TAFA1: variants seen among roughly 807,000 people sequenced by gnomAD.
The protein encoded by TAFA1 is chemokine-like protein TAFA-1.
In TAFA1, 4 loss-of-function variants were observed where a neutral mutation model predicts 18.5. That is an observed-to-expected ratio of 0.22 (90% CI 0.11 to 0.49). TAFA1 has a LOEUF of 0.49. Ranked by LOEUF, TAFA1 falls within the 20% of genes least tolerant of loss-of-function variation. The pLI is 0.98. For synonymous variants in TAFA1, 56 were observed against 55.2 expected (o/e 1.01, Z -0.06); for missense variants, 147 against 169.0 (o/e 0.87, Z 0.72).
chr3:68,144,869 A>G (rs934145154), intron 2 of TAFA1: 47 of 634,622 alleles, frequency 7.4e-5, no homozygotes, highest in Admixed American at 1.0e-4. Context: ...TGTCTTTTAC[A>G]TTTACATTCC....
intron 2 of TAFA1, among the ~76,000 whole-genome samples, chr3:68,352,051 G>A (rs991130111): frequency 3.4e-4 from 52 of 152,026 alleles, no homozygotes; most frequent in Middle Eastern, 3.4e-3. Context: ...ATGTATAATC[G>A]AAATAAGAAT....
Position 68,495,056 on chromosome 3 carries a change from T to C in TAFA1, c.260-43700T>C, listed in dbSNP as rs571857989. Among the ~76,000 whole-genome samples, 9 of 152,264 alleles carry C rather than the reference T, an allele frequency of 5.9e-5. No homozygotes were observed. In the South Asian group the frequency reaches 1.9e-3, roughly 32 times the overall value. On this transcript the variant is annotated intron_variant, in intron 3 of 4. Transcript: ENST00000478136. ...ACAACAGAAGCTCTATTAACTGACC[T>C]CTAACCAATACAACAGGTTAACTGA... is the stretch of plus-strand genomic sequence containing the variant.
intron 3 of TAFA1, among the ~76,000 whole-genome samples, chr3:68,497,023 G>A (rs1226851692): frequency 6.6e-6 from 1 of 151,988 alleles, no homozygotes; most frequent in Admixed American, 6.6e-5. Flanking sequence ...AAAGCCCAGT[G>A]GAAAAAAGAA....
intron 3 of TAFA1, among the ~76,000 whole-genome samples, chr3:68,453,066 C>G (rs1385874026): frequency 6.6e-6 from 1 of 152,134 alleles, no homozygotes; most frequent in African/African-American, 2.4e-5. Context: ...TATAGAATTG[C>G]TTTATTTCAG....
At chr3:68,263,789 A>G (rs970852909) in intron 2 of TAFA1, among the ~76,000 whole-genome samples, 2 of 152,174 alleles carry the variant, frequency 1.3e-5, no homozygotes, top group African/African-American at 2.4e-5. Flanking sequence ...AGGTCTTTTT[A>G]TTACACTATA....
At chr3:68,061,542 G>A (rs2064602492) in intron 2 of TAFA1, among the ~76,000 whole-genome samples, 2 of 152,170 alleles carry the variant, frequency 1.3e-5, no homozygotes, top group Non-Finnish European at 2.9e-5. Context: ...GAGGGTACAG[G>A]CAGGATGAAA....
At chr3:68,059,028 C>G (rs1214863076) in intron 2 of TAFA1, among the ~76,000 whole-genome samples, 1 of 152,060 alleles carries the variant, frequency 6.6e-6, no homozygotes, top group African/African-American at 2.4e-5. Context: ...GTTATTTTTT[C>G]TATCACTTTC....
At chr3:68,462,922 A>C (rs1366497989) in intron 3 of TAFA1, among the ~76,000 whole-genome samples, 1 of 152,202 alleles carries the variant, frequency 6.6e-6, no homozygotes, top group Non-Finnish European at 1.5e-5. Flanking sequence ...TTTACCATTT[A>C]GTGAATTCCA....
chr3:68,449,957 A>G (rs1575877723), intron 3 of TAFA1, among the ~76,000 whole-genome samples: 1 of 152,220 alleles, frequency 6.6e-6, no homozygotes, highest in African/African-American at 2.4e-5. Context: ...GGAGCTGGAC[A>G]TTGTGTATGC....
At chr3:68,119,320 C>T (rs1216429313) in intron 2 of TAFA1, among the ~76,000 whole-genome samples, 1 of 152,096 alleles carries the variant, frequency 6.6e-6, no homozygotes, top group Non-Finnish European at 1.5e-5. Flanking sequence ...AATATTTTCT[C>T]TCATTCCATA....
intron 2 of TAFA1, among the ~76,000 whole-genome samples, chr3:68,183,778 C>A (rs2066235691): frequency 6.6e-6 from 1 of 152,094 alleles, no homozygotes; most frequent in Non-Finnish European, 1.5e-5. Context: ...CTATTTAGAT[C>A]AGAGTCAGTT....
chr3:68,393,052 A>G (rs943357923), intron 2 of TAFA1, among the ~76,000 whole-genome samples: 2 of 152,190 alleles, frequency 1.3e-5, no homozygotes, highest in Non-Finnish European at 2.9e-5. Context: ...CCTCCAAAAA[A>G]TCAATGAGTC....
intron 2 of TAFA1, among the ~76,000 whole-genome samples, chr3:68,204,914 A>T (rs988596821): frequency 6.6e-6 from 1 of 151,716 alleles, no homozygotes; most frequent in Non-Finnish European, 1.5e-5. Flanking sequence ...CTATAAACCC[A>T]CTTCCTTTTT....
chr3:68,040,618 G>T (rs1266815529), intron 2 of TAFA1, among the ~76,000 whole-genome samples: 1 of 152,200 alleles, frequency 6.6e-6, no homozygotes, highest in African/African-American at 2.4e-5. Flanking sequence ...AGTGGCTCAG[G>T]AAGTGTGGTC....
intron 3 of TAFA1, among the ~76,000 whole-genome samples, chr3:68,473,102 A>G (rs372622029): frequency 1.3e-5 from 2 of 152,216 alleles, no homozygotes; most frequent in African/African-American, 4.8e-5. Flanking sequence ...AGGAAACCAC[A>G]AATGGTGAGG....
intron 2 of TAFA1, among the ~76,000 whole-genome samples, chr3:68,136,229 A>G (rs1015709130): frequency 1.3e-5 from 2 of 152,226 alleles, no homozygotes; most frequent in Non-Finnish European, 2.9e-5. Flanking sequence ...TCAGAATTCT[A>G]TAAGTTTAAA....
chr3:68,196,095 G>C (rs1192518074), intron 2 of TAFA1, among the ~76,000 whole-genome samples: 1 of 151,770 alleles, frequency 6.6e-6, no homozygotes. Context: ...CTCATCTCAG[G>C]ACAGGTATAT....
chr3:68,140,853 G>T lies in TAFA1; in HGVS notation c.118+134109G>T, dbSNP rs908322680. Among the ~76,000 whole-genome samples, 13 of 152,094 alleles carry T rather than the reference G, an allele frequency of 8.5e-5. 1 individual carries two copies. The highest frequency in any genetic ancestry group is 1.5e-5 in the Non-Finnish European group (1 of 68,020). ...CACTATACCTACCTTCAAAATCTTG[G>T]CATTTAGCCCCTTTACTGCCCTGCT... On this transcript the variant is annotated intron_variant, in intron 2 of 4. Transcript: ENST00000478136.
intron 2 of TAFA1, among the ~76,000 whole-genome samples, chr3:68,192,767 C>T (rs993354315): frequency 1.3e-5 from 2 of 151,596 alleles, no homozygotes; most frequent in Non-Finnish European, 3.0e-5. Flanking sequence ...AAGGGACACT[C>T]CAAGCATATA....
Sources: allele counts gnomAD v4.1 joint callset (sites outside exome capture counted in the v4.1 genomes callset), GRCh38; gene constraint gnomAD v4.1.1; transcripts MANE v1.5; gene names NCBI Gene and HGNC (gene_info 2026-07-23, HGNC 2026-07-21).